The following TRMT9B variants were observed in gnomAD, a reference collection of about 807,000 sequenced individuals.
The protein encoded by TRMT9B is tRNA methyltransferase 9B (putative).
Under a neutral mutation model 11.5 loss-of-function variants are expected in TRMT9B, and 16 were observed. The observed-to-expected ratio is 1.39, with a 90% CI of 0.94 to 2.11. The LOEUF (loss-of-function observed/expected upper bound fraction) is 2.11, where lower values mean the gene tolerates loss of function less well. Ranked by LOEUF, TRMT9B falls within the 30% of genes most tolerant of loss-of-function variation. TRMT9B has a pLI of 0.00. For missense variants in TRMT9B, 941 were observed against 553.8 expected, an observed-to-expected ratio of 1.70 and a Z score of -7.02; for synonymous variants, 274 against 192.4, an observed-to-expected ratio of 1.42 and a Z score of -3.51.
chr8:12,954,385 G>A (rs986137345), intron 1 of TRMT9B, among the ~76,000 whole-genome samples: 9 of 152,184 alleles, frequency 5.9e-5, no homozygotes, highest in African/African-American at 2.2e-4. Context: ...TTGCTTTGAA[G>A]AAGACACAAG....
At chr8:12,962,229 G>C (rs1038775427) in intron 1 of TRMT9B, 1 of 152,222 alleles carries the variant, frequency 6.6e-6, no homozygotes, top group Admixed American at 6.5e-5. Context: ...GGAAAAATGG[G>C]CTTCATCATA....
intron 2 of TRMT9B, among the ~76,000 whole-genome samples, chr8:12,999,783 A>G (rs959638935): frequency 6.6e-6 from 1 of 152,172 alleles, no homozygotes; most frequent in Admixed American, 6.5e-5. Context: ...TAGAGGTTAT[A>G]TTTCTTTGAG....
Position 13,021,989 on chromosome 8 carries a change from G to C in TRMT9B, c.1310G>C (p.Gly437Ala). The change falls in exon 5 of 5, where the codon GGG becomes GCG. Residue 437 changes from glycine to alanine, a missense_variant. Gly to Ala is a moderately conservative substitution (Grantham distance 60). Transcript: ENST00000524591. Reference protein sequence around the residue: ...NVSELRILSSGNDHGNWCIIA... With the variant: ...NVSELRILSSANDHGNWCIIA... ...TCAGAGCTCCGTATCCTGAGTTCTG[G>C]GAATGATCATGGTAACTGGTGTATC... The C allele has an allele frequency of 6.2e-7, 1 of 1,612,634 alleles. No homozygotes were observed. Among genetic ancestry groups the C allele is most frequent in the Non-Finnish European group, 8.5e-7 (1 of 1,179,464 alleles).
chr8:13,011,811 T>C (rs1233262051), intron 3 of TRMT9B: 3 of 958,168 alleles, frequency 3.1e-6, no homozygotes, highest in Non-Finnish European at 3.7e-6. Flanking sequence ...ATTTTAAATG[T>C]AGCAATGAAT....
rs1814531682 is a variant in TRMT9B, at chr8:13,025,109, T to C, written c.*3065T>C. 1 of 167,022 alleles carries C rather than the reference T, an allele frequency of 6.0e-6. No individual in the cohort carries two copies. Among genetic ancestry groups the C allele is most frequent in the Non-Finnish European group, 1.5e-5 (1 of 68,120 alleles). 10.3% of individuals were successfully genotyped at this position (167,022 alleles called of 1,614,324 possible). On this transcript the variant is annotated 3_prime_UTR_variant, in exon 5 of 5. Coordinates refer to ENST00000524591, the MANE Select transcript of TRMT9B (RefSeq NM_020844.3). ...ATCTGATCACTTACTTCCTTATTAA[T>C]ACTAGATCACACAGTGTCTTTCTTA...
At chr8:12,948,806 A>G (rs1192918642) in intron 1 of TRMT9B, among the ~76,000 whole-genome samples, 1 of 152,092 alleles carries the variant, frequency 6.6e-6, no homozygotes, top group Non-Finnish European at 1.5e-5. Flanking sequence ...TAAAAATACA[A>G]AAACTTAGCC....
At chr8:13,009,098 C>T (rs73204384) in intron 3 of TRMT9B, among the ~76,000 whole-genome samples, 9,219 of 152,102 alleles carry the variant, frequency 0.061, 399 homozygotes, top group South Asian at 0.18. Flanking sequence ...CTGTCATTTG[C>T]GACAACACGG....
At chr8:12,998,414 A>G (rs1245064553) in intron 2 of TRMT9B, among the ~76,000 whole-genome samples, 4 of 152,226 alleles carry the variant, frequency 2.6e-5, no homozygotes, top group African/African-American at 9.7e-5. Flanking sequence ...TTCTAAAGCC[A>G]CGTGTGTTTT....
At chr8:12,988,935 A>C (rs184093170) in intron 1 of TRMT9B, among the ~76,000 whole-genome samples, 50 of 147,632 alleles carry the variant, frequency 3.4e-4, no homozygotes, top group Non-Finnish European at 5.4e-4. Context: ...TTTTCTGTTT[A>C]TTTGTATGCT....
rs571959276 is a variant in TRMT9B at position 12,996,574 on chromosome 8, T to A, written c.-2+5543T>A. On this transcript the variant is annotated intron_variant, in intron 2 of 4. Coordinates refer to ENST00000524591, the MANE Select transcript of TRMT9B (RefSeq NM_020844.3). ...CAATTTCTAGCTGCCCAGAAGGCAC[T>A]GACTGGATGGCATTCATCCCTCATG... 3.3e-5 allele frequency among the ~76,000 whole-genome samples: 5 copies of A among 152,348 alleles called. No homozygotes were observed. The East Asian group carries it at 9.6e-4, about 29-fold the overall frequency.
chr8:13,004,423 G>T (rs1351309696), intron 2 of TRMT9B, among the ~76,000 whole-genome samples: 1 of 151,672 alleles, frequency 6.6e-6, no homozygotes, highest in Admixed American at 6.6e-5. Context: ...TCTGCTTGAG[G>T]AGAGGAGAGG....
In TRMT9B at chr8:13,021,133, G is replaced by A. The variant is rs529045561; in HGVS notation, c.454G>A (p.Glu152Lys). The change falls in exon 5 of 5, where the codon GAG becomes AAG. Residue 152 changes from glutamate (E) to lysine (K), a missense_variant. Transcript: ENST00000524591. ...WAMEQKNRHF[E>K]KQDVLVPWNR... ...AATGGAACAAAAGAACCGTCACTTT[G>A]AGAAGCAAGACGTGCTTGTTCCATG... 1.9e-6 allele frequency: 3 copies of A among 1,613,706 alleles called. No homozygotes were observed. The highest frequency in any genetic ancestry group is 2.5e-6 in the Non-Finnish European group (3 of 1,179,698).
At chr8:13,015,199 A>AT (rs1812406332) in intron 4 of TRMT9B, among the ~76,000 whole-genome samples, 1 of 151,632 alleles carries the variant, frequency 6.6e-6, no homozygotes, top group African/African-American at 2.4e-5. Context: ...TTGTTATTGG[A>AT]TTTTTTTAAT....
At position 13,021,289 on chromosome 8, in the gene TRMT9B, A is replaced by C. The variant is rs769878495; in HGVS notation, c.610A>C (p.Lys204Gln). The C allele has an allele frequency of 1.2e-4, 194 of 1,613,902 alleles. No individual in the cohort carries two copies. The highest frequency in any genetic ancestry group is 1.6e-4 in the Middle Eastern group (1 of 6,084). Residue 204 changes from lysine to glutamine, a missense_variant, in exon 5 of 5, where the codon AAA becomes CAA. Lys to Gln is a moderately conservative substitution (Grantham distance 53). Coordinates refer to ENST00000524591, the MANE Select transcript of TRMT9B (RefSeq NM_020844.3). Reference sequence around the variant, plus strand: ...TGAGTGTAGCTGTTCTGTTTGTTTTAAAGAGCAGTGTGGTTCAAAACGGTC... The same window carrying C: ...TGAGTGTAGCTGTTCTGTTTGTTTTCAAGAGCAGTGTGGTTCAAAACGGTC... ...CSECSCSVCF[K>Q]EQCGSKRSHS... is the part of the protein sequence containing the mutation.
intron 1 of TRMT9B, chr8:12,951,462 G>C (rs534084420): frequency 4.6e-5 from 7 of 152,452 alleles, no homozygotes; most frequent in African/African-American, 1.7e-4. Flanking sequence ...CACGCCGAGA[G>C]AGGCAGGCAA....
intron 2 of TRMT9B, among the ~76,000 whole-genome samples, chr8:12,993,508 G>T (rs958062457): frequency 6.6e-6 from 1 of 152,192 alleles, no homozygotes; most frequent in African/African-American, 2.4e-5. Flanking sequence ...TATTAGAGGG[G>T]ATAGATGTGG....
chr8:13,010,567 C>A, intron 3 of TRMT9B: 3 of 985,118 alleles, frequency 3.0e-6, no homozygotes, highest in Non-Finnish European at 3.6e-6. Flanking sequence ...TGAATAGGGG[C>A]AAATCAAGAG....
chr8:12,946,435 G>C (rs778411197), intron 1 of TRMT9B, among the ~76,000 whole-genome samples: 2 of 152,134 alleles, frequency 1.3e-5, no homozygotes, highest in Non-Finnish European at 1.5e-5. Flanking sequence ...GCTATGAAGG[G>C]CAAGAAGAAG....
rs1490082866 is a variant in TRMT9B, at chr8:13,022,728, A to G, written c.*684A>G. ...ACTGTTAGGCTGAGCATGGTGGCTC[A>G]TGCCTGTAATCCCAGCACTTTGGGA... On this transcript the variant is annotated 3_prime_UTR_variant, in exon 5 of 5. Transcript: ENST00000524591. The G allele has an allele frequency of 6.0e-6, 1 of 167,154 alleles. No individual in the cohort carries two copies. The highest frequency in any genetic ancestry group is 1.5e-5 in the Non-Finnish European group (1 of 68,216). 10.4% of individuals were successfully genotyped at this position (167,154 alleles called of 1,614,324 possible).
Sources: gnomAD v4.1 joint callset for allele counts (sites outside exome capture counted in the v4.1 genomes callset) on GRCh38, gnomAD v4.1.1 for gene constraint, MANE v1.5 for transcripts, NCBI Gene and HGNC (gene_info 2026-07-23, HGNC 2026-07-21) for gene names.